The following FBN2 variants were observed in gnomAD, a reference collection of about 807,000 sequenced individuals.
FBN2 encodes fibrillin 2, also known as fibrillin-2.
Under a neutral mutation model 355.6 loss-of-function variants are expected in FBN2, and 105 were observed. The observed-to-expected ratio is 0.30, with a 90% confidence interval of 0.25 to 0.35. FBN2 has a LOEUF of 0.35. Among genes scored for constraint, FBN2 ranks in the 10% least tolerant of loss-of-function variants. The pLI, the probability that FBN2 is intolerant of heterozygous loss-of-function variation, is 1.00. For synonymous variants in FBN2, 1,350 were observed against 1,301.2 expected, an observed-to-expected ratio of 1.04 and a Z score of -0.81; for missense variants, 3,280 against 3,758.7, an observed-to-expected ratio of 0.87 and a Z score of 3.33.
intron 5 of FBN2, among the ~76,000 whole-genome samples, chr5:128,488,998 T>C (rs7725740): frequency 0.21 from 31,911 of 152,020 alleles, 6,019 homozygotes; most frequent in African/African-American, 0.51. Flanking sequence ...TGATTTATAG[T>C]CCTTTGGGTA....
At chr5:128,347,755 A>T (rs1751222733) in intron 23 of FBN2, among the ~76,000 whole-genome samples, 1 of 151,082 alleles carries the variant, frequency 6.6e-6, no homozygotes, top group Admixed American at 6.7e-5. Flanking sequence ...TGAAGAATCC[A>T]ATATATCATC....
chr5:128,427,503 A>G (rs1451363238), intron 7 of FBN2, among the ~76,000 whole-genome samples: 1 of 152,190 alleles, frequency 6.6e-6, no homozygotes, highest in Non-Finnish European at 1.5e-5. Context: ...TCTTTCTTCT[A>G]AAGTTCTTCT....
Position 128,349,992 on chromosome 5 carries a change from T to G in FBN2, c.2826A>C (p.Pro942=). 1 of 1,613,896 alleles carries G rather than the reference T, an allele frequency of 6.2e-7. No individual in the cohort carries two copies. Among genetic ancestry groups the G allele is most frequent in the South Asian group, 1.1e-5 (1 of 91,078 alleles). ...CERCELDTAC[P]RGLARIKGVT... ...CACCTTTAATCCTGGCAAGCCCTCT[T>G]GGGCAAGCTGTATCTGTAACAACAA... Residue 942 remains proline, a synonymous_variant, in exon 22 of 65, where the codon CCA becomes CCC. Transcript: ENST00000262464.
chr5:128,359,147 A>G (rs1751575291), intron 19 of FBN2, among the ~76,000 whole-genome samples: 1 of 152,084 alleles, frequency 6.6e-6, no homozygotes, highest in South Asian at 2.1e-4. Context: ...AAGTTTCTGT[A>G]ACTTCAATCT....
At chr5:128,500,937 A>G (rs771458388) in intron 5 of FBN2, among the ~76,000 whole-genome samples, 1 of 152,240 alleles carries the variant, frequency 6.6e-6, no homozygotes, top group Non-Finnish European at 1.5e-5. Context: ...AAAACTGGAC[A>G]GTGAAGACAG....
chr5:128,482,378 C>T (rs1052022471), intron 5 of FBN2, among the ~76,000 whole-genome samples: 1 of 152,142 alleles, frequency 6.6e-6, no homozygotes, highest in Non-Finnish European at 1.5e-5. Flanking sequence ...CTTCCCCTCA[C>T]TCTCACCTAT....
At chr5:128,428,921 A>G (rs563321065) in intron 7 of FBN2, among the ~76,000 whole-genome samples, 1 of 152,282 alleles carries the variant, frequency 6.6e-6, no homozygotes, top group African/African-American at 2.4e-5. Context: ...TCTAGGGATA[A>G]TAACTCCTCT....
intron 36 of FBN2, 48 bp from the exon 37 acceptor site, chr5:128,312,843 G>C: frequency 6.2e-7 from 1 of 1,602,206 alleles, no homozygotes; most frequent in South Asian, 1.1e-5. Context: ...TACATAGTAA[G>C]GACTCCATTT....
At chr5:128,327,268 T>A (rs757463638) in intron 34 of FBN2, among the ~76,000 whole-genome samples, 1 of 152,184 alleles carries the variant, frequency 6.6e-6, no homozygotes, top group Non-Finnish European at 1.5e-5. Context: ...CAACTGTTCA[T>A]CCCCTTTTTC....
At chr5:128,294,777 T>C (rs1373995533) in intron 48 of FBN2, among the ~76,000 whole-genome samples, 11 of 150,252 alleles carry the variant, frequency 7.3e-5, no homozygotes, top group African/African-American at 2.2e-4. Flanking sequence ...TTCTCCCATT[T>C]TGTAGGTTGC....
rs70997371 is a variant in FBN2, at chr5:128,455,990, C to CAAAAAAAAAAA, written c.826+8723_826+8733dup. On this transcript the variant is annotated intron_variant, in intron 6 of 64. Transcript: ENST00000262464. ...GAGCTCCTTGGGGGAGGGTTAGCAA[C>CAAAAAAAAAAA]AAAAAAAAAAAAAAAAAAAAAAAAA... 3.6e-3 allele frequency among the ~76,000 whole-genome samples: 90 copies of CAAAAAAAAAAA among 25,276 alleles called. 29 individuals are homozygous for CAAAAAAAAAAA. Among genetic ancestry groups the CAAAAAAAAAAA allele is most frequent in the African/African-American group, 6.2e-3 (56 of 9,000 alleles). 16.6% of individuals were successfully genotyped at this position (25,276 alleles called of 152,430 possible).
intron 26 of FBN2, among the ~76,000 whole-genome samples, chr5:128,338,388 C>T (rs1265839428): frequency 6.6e-6 from 1 of 152,142 alleles, no homozygotes; most frequent in Admixed American, 6.5e-5. Flanking sequence ...ATAATATTTG[C>T]TTTATATCAC....
At chr5:128,262,509 T>C (rs576680142) in intron 63 of FBN2, among the ~76,000 whole-genome samples, 2 of 152,328 alleles carry the variant, frequency 1.3e-5, no homozygotes, top group South Asian at 4.1e-4. Context: ...AAGGTATGAA[T>C]TTCCAAAGAG....
At chr5:128,430,758 C>T (rs1034591110) in intron 7 of FBN2, among the ~76,000 whole-genome samples, 15 of 151,934 alleles carry the variant, frequency 9.9e-5, no homozygotes, top group African/African-American at 3.6e-4. Flanking sequence ...GCAGGAGAAT[C>T]CCTTGAGCCT....
At chr5:128,327,390 C>CCA (rs1750580791) in intron 34 of FBN2, among the ~76,000 whole-genome samples, 1 of 152,094 alleles carries the variant, frequency 6.6e-6, no homozygotes, top group Non-Finnish European at 1.5e-5. Context: ...CCACTCTGAA[C>CCA]CACCGCAGGT....
At chr5:128,402,895 C>T (rs2126992281) in intron 8 of FBN2, among the ~76,000 whole-genome samples, 1 of 152,262 alleles carries the variant, frequency 6.6e-6, no homozygotes, top group Admixed American at 6.5e-5. Flanking sequence ...GAACTAGGAG[C>T]AATGAAAAGG....
chr5:128,357,003 A>G (rs1204482347), intron 20 of FBN2, among the ~76,000 whole-genome samples: 3 of 152,192 alleles, frequency 2.0e-5, no homozygotes, highest in Non-Finnish European at 2.9e-5. Flanking sequence ...ACGGATATAC[A>G]TATGTGTGTG....
chr5:128,515,897 TAAAA>T (rs1756268570), intron 5 of FBN2, among the ~76,000 whole-genome samples: 1 of 152,228 alleles, frequency 6.6e-6, no homozygotes, highest in Non-Finnish European at 1.5e-5. Flanking sequence ...GTTTACATGA[TAAAA>T]ACCATTTGTA....
Position 128,374,762 on chromosome 5 carries a change from G to C in FBN2, c.1973-12C>G. On this transcript the variant is annotated splice_polypyrimidine_tract_variant and intron_variant, in intron 14 of 64. Transcript: ENST00000262464. ...GCATTCATCAACATCTGTGCAGTGG[G>C]TGACAGAAGCCAAGCAGTTACTGGG... is the stretch of plus-strand genomic sequence containing the variant. 6.2e-7 allele frequency: 1 copy of C among 1,613,764 alleles called. No homozygotes were observed. Among genetic ancestry groups the C allele is most frequent in the Non-Finnish European group, 8.5e-7 (1 of 1,179,818 alleles).
Sources: allele counts gnomAD v4.1 joint callset (sites outside exome capture counted in the v4.1 genomes callset), GRCh38; gene constraint gnomAD v4.1.1; transcripts MANE v1.5; gene names NCBI Gene and HGNC (gene_info 2026-07-23, HGNC 2026-07-21).